Variants in DMRT1 observed in about 807,000 individuals in gnomAD.
DMRT1 encodes the protein doublesex and mab-3 related transcription factor 1, also known as doublesex- and mab-3-related transcription factor 1.
A neutral mutation model predicts 32.3 loss-of-function variants in DMRT1; 7 were observed. The ratio of observed to expected loss-of-function variants is 0.22; its 90% CI spans 0.12 to 0.41. The LOEUF (loss-of-function observed/expected upper bound fraction) is 0.41. DMRT1 is among the 10% of genes least tolerant of loss of function. The pLI, the probability that DMRT1 is intolerant of heterozygous loss-of-function variation, is 1.00. For synonymous variants in DMRT1, 278 were observed against 206.1 expected (o/e 1.35, Z -2.99); for missense variants, 625 against 500.5 (o/e 1.25, Z -2.37).
rs35682202 is a variant in DMRT1, at chr9:852,293, GAAA to G, written c.538+5158_538+5160del. On this transcript the variant is annotated intron_variant, in intron 2 of 4. Transcript: ENST00000382276. Reference sequence around the variant, plus strand: ...TTCCCAGCCATTTTTGGAGTATTCAGAAAAAAAAAAGATAAATGATTTTGACTC... The same window carrying G: ...TTCCCAGCCATTTTTGGAGTATTCAGAAAAAAAGATAAATGATTTTGACTC... Among the ~76,000 whole-genome samples, 7 of 147,974 alleles carry G rather than the reference GAAA, an allele frequency of 4.7e-5. No individual in the cohort carries two copies. The East Asian group carries it at 1.4e-3, about 29-fold the overall frequency.
rs376764474 is a variant in DMRT1 at position 843,157 on chromosome 9, A to C, written c.354+965A>C. On this transcript the variant is annotated intron_variant, in intron 1 of 4. Coordinates refer to ENST00000382276, the MANE Select transcript of DMRT1 (RefSeq NM_021951.3). ...CTCCCTCCTTGCTGAGTTGCACTTAAATTAGAAAGGATCTTGGAGGGCGGC... is the reference window on the plus strand; with the variant it reads ...CTCCCTCCTTGCTGAGTTGCACTTACATTAGAAAGGATCTTGGAGGGCGGC... Among the ~76,000 whole-genome samples the C allele has an allele frequency of 1.7e-3, 255 of 152,234 alleles. 1 individual carries two copies. The highest frequency in any genetic ancestry group is 5.9e-3 in the African/African-American group (246 of 41,562).
chr9:918,360 C>A (rs188144586), intron 4 of DMRT1, among the ~76,000 whole-genome samples: 36 of 152,330 alleles, frequency 2.4e-4, no homozygotes, highest in Admixed American at 9.8e-4. Context: ...TTTTGAAGCA[C>A]TGGCGTTCTT....
At chr9:952,136 G>A (rs1488018791) in intron 4 of DMRT1, among the ~76,000 whole-genome samples, 5 of 152,190 alleles carry the variant, frequency 3.3e-5, no homozygotes, top group African/African-American at 7.2e-5. Flanking sequence ...CTGATTACAG[G>A]TGTTTTTCTT....
chr9:880,619 A>G (rs983817685), intron 2 of DMRT1, among the ~76,000 whole-genome samples: 4 of 151,052 alleles, frequency 2.6e-5, no homozygotes, highest in Admixed American at 6.6e-5. Context: ...CCAGCCATTC[A>G]GGAGGCTGAG....
chr9:955,636 A>G (rs1383209408), intron 4 of DMRT1, among the ~76,000 whole-genome samples: 1 of 152,192 alleles, frequency 6.6e-6, no homozygotes, highest in African/African-American at 2.4e-5. Flanking sequence ...AGCCCATGAA[A>G]TTGAGGCTGC....
chr9:877,335 C>A lies in DMRT1; in HGVS notation c.539-16577C>A, dbSNP rs889396010. ...TAATACCTTAGAGGTATGTCTCACC[C>A]CCCTGGAGGGTGCAGTAAGGGTTCT... On this transcript the variant is annotated intron_variant, in intron 2 of 4. Transcript: ENST00000382276. Among the ~76,000 whole-genome samples, 5 of 152,160 alleles carry A rather than the reference C, an allele frequency of 3.3e-5. No individual in the cohort carries two copies. The East Asian group carries it at 9.6e-4, about 29-fold the overall frequency.
At chr9:853,443 T>A (rs1219744245) in intron 2 of DMRT1, among the ~76,000 whole-genome samples, 1 of 151,994 alleles carries the variant, frequency 6.6e-6, no homozygotes. Context: ...TGCAAATTTT[T>A]ATTTTATTTT....
intron 4 of DMRT1, among the ~76,000 whole-genome samples, chr9:951,584 G>C (rs1048463666): frequency 6.6e-6 from 1 of 152,190 alleles, no homozygotes; most frequent in African/African-American, 2.4e-5. Flanking sequence ...ATCAACAAGA[G>C]GGTTGGCAGC....
chr9:950,453 A>T (rs969829909), intron 4 of DMRT1, among the ~76,000 whole-genome samples: 2 of 152,124 alleles, frequency 1.3e-5, no homozygotes, highest in Admixed American at 1.3e-4. Flanking sequence ...CTCAGCAGTC[A>T]TGTGAGCTTG....
At chr9:946,931 G>T (rs12341935) in intron 4 of DMRT1, among the ~76,000 whole-genome samples, 18,417 of 152,188 alleles carry the variant, frequency 0.12, 1,278 homozygotes, top group African/African-American at 0.15. Flanking sequence ...ATTCACAGAC[G>T]GTGCCCATCA....
intron 4 of DMRT1, among the ~76,000 whole-genome samples, chr9:925,111 T>A (rs540746786): frequency 7.8e-4 from 119 of 152,322 alleles, no homozygotes; most frequent in Non-Finnish European, 1.1e-3. Context: ...CTGCAGCATG[T>A]TAGCAAGAAT....
intron 4 of DMRT1, among the ~76,000 whole-genome samples, chr9:930,833 C>G (rs1818702276): frequency 6.6e-6 from 1 of 152,120 alleles, no homozygotes; most frequent in Non-Finnish European, 1.5e-5. Flanking sequence ...AGCCATTGTG[C>G]CCAGCCCTGT....
At chr9:930,609 C>A (rs960298122) in intron 4 of DMRT1, among the ~76,000 whole-genome samples, 2 of 151,960 alleles carry the variant, frequency 1.3e-5, no homozygotes, top group Non-Finnish European at 2.9e-5. Context: ...AGGGTTTCAC[C>A]ATGTTAGCCA....
intron 2 of DMRT1, among the ~76,000 whole-genome samples, chr9:879,266 G>A (rs543313718): frequency 6.6e-6 from 1 of 151,658 alleles, no homozygotes; most frequent in South Asian, 2.1e-4. Flanking sequence ...TATATCTATC[G>A]ATACCATACT....
chr9:886,694 A>C (rs1207357558), intron 2 of DMRT1, among the ~76,000 whole-genome samples: 3 of 152,100 alleles, frequency 2.0e-5, no homozygotes, highest in Non-Finnish European at 4.4e-5. Context: ...TACATATTTT[A>C]AATTTTGTAT....
chr9:898,558 G>A (rs1192049394), intron 3 of DMRT1, among the ~76,000 whole-genome samples: 1 of 152,184 alleles, frequency 6.6e-6, no homozygotes, highest in African/African-American at 2.4e-5. Flanking sequence ...AGCTTCCTAG[G>A]AGAGGGCAGA....
intron 2 of DMRT1, among the ~76,000 whole-genome samples, chr9:849,310 C>G (rs1335500011): frequency 6.6e-6 from 1 of 152,094 alleles, no homozygotes; most frequent in Non-Finnish European, 1.5e-5. Flanking sequence ...TGGTCTAATC[C>G]TCAGAGTAAT....
At chr9:852,466 G>C (rs544961159) in intron 2 of DMRT1, among the ~76,000 whole-genome samples, 8 of 150,220 alleles carry the variant, frequency 5.3e-5, no homozygotes, top group African/African-American at 1.5e-4. Context: ...TGTAAATGTA[G>C]GCTCCTCTTT....
intron 2 of DMRT1, among the ~76,000 whole-genome samples, chr9:864,281 T>C (rs554191929): frequency 6.6e-6 from 1 of 151,150 alleles, no homozygotes; most frequent in Admixed American, 6.6e-5. Context: ...CTCGGCTCAC[T>C]GCAGCCTCTG....
Sources: allele counts gnomAD v4.1 joint callset (sites outside exome capture counted in the v4.1 genomes callset), GRCh38; gene constraint gnomAD v4.1.1; transcripts MANE v1.5; gene names NCBI Gene and HGNC (gene_info 2026-07-23, HGNC 2026-07-21).